The following OR2L13 variants were observed in gnomAD, a reference collection of about 807,000 sequenced individuals.
OR2L13 encodes olfactory receptor family 2 subfamily L member 13.
A neutral mutation model predicts 15.3 loss-of-function variants in OR2L13; 14 were observed. The observed-to-expected ratio is 0.91, with a 90% CI of 0.60 to 1.43. The LOEUF (loss-of-function observed/expected upper bound fraction) is 1.43. OR2L13 is among the 40% of genes most tolerant of loss of function. OR2L13 has a pLI of 0.00. For missense variants in OR2L13, 367 were observed against 387.9 expected, an observed-to-expected ratio of 0.95 and a Z score of 0.45; for synonymous variants, 152 against 142.9, an observed-to-expected ratio of 1.06 and a Z score of -0.45.
At chr1:248,011,903 A>G in the OR2L13 span, among the ~76,000 whole-genome samples, 2 of 152,168 alleles carry the variant, frequency 1.3e-5, no homozygotes, top group Non-Finnish European at 2.9e-5. Context: ...AAAAGACTTG[A>G]CATAAATGGT....
the OR2L13 span, among the ~76,000 whole-genome samples, chr1:248,034,578 A>T: frequency 6.6e-6 from 1 of 152,220 alleles, no homozygotes; most frequent in Non-Finnish European, 1.5e-5. Context: ...TTGACATCTT[A>T]ACAGTGTTAA....
chr1:248,048,173 C>G, the OR2L13 span, among the ~76,000 whole-genome samples: 1 of 152,154 alleles, frequency 6.6e-6, no homozygotes, highest in Admixed American at 6.5e-5. Context: ...TCTGTGAGAG[C>G]TGATGCACCA....
the OR2L13 span, chr1:248,038,292 A>G: frequency 1.9e-6 from 3 of 1,611,208 alleles, no homozygotes; most frequent in Non-Finnish European, 2.5e-6. Context: ...TCAAACATCA[A>G]CTGATTTCAT....
At chr1:247,992,320 C>T in the OR2L13 span, among the ~76,000 whole-genome samples, 1 of 152,140 alleles carries the variant, frequency 6.6e-6, no homozygotes, top group African/African-American at 2.4e-5. Flanking sequence ...TTTTTTAAGG[C>T]TTCCTGTCAA....
At chr1:247,966,620 A>G in the OR2L13 span, among the ~76,000 whole-genome samples, 1 of 152,240 alleles carries the variant, frequency 6.6e-6, no homozygotes, top group Non-Finnish European at 1.5e-5. Flanking sequence ...AGAAAAATGC[A>G]TAATTCATTT....
chr1:248,094,170 C>T (rs1664664978), upstream of OR2L13, among the ~76,000 whole-genome samples: 1 of 151,922 alleles, frequency 6.6e-6, no homozygotes, highest in African/African-American at 2.4e-5. Context: ...TGAAACATCA[C>T]ATGTACCTCA....
At chr1:247,943,535 G>A in the OR2L13 span, among the ~76,000 whole-genome samples, 1 of 152,034 alleles carries the variant, frequency 6.6e-6, no homozygotes, top group African/African-American at 2.4e-5. Context: ...TACACATATG[G>A]TTCCAGATTT....
At chr1:247,966,319 G>T in the OR2L13 span, 2 of 1,612,968 alleles carry the variant, frequency 1.2e-6, no homozygotes, top group Non-Finnish European at 1.7e-6. Flanking sequence ...TAGAAAATAT[G>T]ACTTCAGATC....
At chr1:247,970,434 G>A in the OR2L13 span, among the ~76,000 whole-genome samples, 1 of 152,020 alleles carries the variant, frequency 6.6e-6, no homozygotes, top group Non-Finnish European at 1.5e-5. Flanking sequence ...TTTTGTAATA[G>A]TTTTTCTTGT....
At chr1:248,049,689 T>G in the OR2L13 span, among the ~76,000 whole-genome samples, 1 of 152,220 alleles carries the variant, frequency 6.6e-6, no homozygotes, top group African/African-American at 2.4e-5. Flanking sequence ...TTTACATTTC[T>G]TATACTTTCT....
chr1:248,046,721 C>G, the OR2L13 span: 1 of 152,100 alleles, frequency 6.6e-6, no homozygotes, highest in Non-Finnish European at 1.5e-5. Context: ...TTCATGATTG[C>G]TACCGAATCC....
upstream of OR2L13, among the ~76,000 whole-genome samples, chr1:248,095,607 C>CTTTTTTTTTTTTTTGTTTTTTTTTTTTT: frequency 2.7e-5 from 1 of 37,294 alleles, no homozygotes; most frequent in Non-Finnish European, 5.4e-5. Context: ...AAAGCTGCTG[C>CTTTTTTTTTTTTTTGTTTTTTTTTTTTT]TTTTTTTTTT....
the OR2L13 span, chr1:247,949,272 G>A: frequency 8.1e-6 from 13 of 1,614,136 alleles, no homozygotes; most frequent in South Asian, 4.4e-5. Flanking sequence ...GAGCAAAAGA[G>A]TGTGTGTGCT....
At chr1:248,021,144 A>G in the OR2L13 span, among the ~76,000 whole-genome samples, 1 of 152,112 alleles carries the variant, frequency 6.6e-6, no homozygotes, top group African/African-American at 2.4e-5. Context: ...ATTACATCTG[A>G]GTTTGTGTTG....
the OR2L13 span, among the ~76,000 whole-genome samples, chr1:247,987,290 T>A: frequency 6.6e-6 from 1 of 152,250 alleles, no homozygotes; most frequent in Non-Finnish European, 1.5e-5. Context: ...TATGGCTTTC[T>A]ACATATATAG....
the OR2L13 span, among the ~76,000 whole-genome samples, chr1:247,950,020 G>A: frequency 2.3e-5 from 3 of 128,076 alleles, no homozygotes; most frequent in Admixed American, 2.7e-4. Context: ...ACATATTTTT[G>A]CTAATATGTT....
At chr1:248,088,109 T>C in the OR2L13 span, among the ~76,000 whole-genome samples, 7 of 152,180 alleles carry the variant, frequency 4.6e-5, no homozygotes, top group African/African-American at 1.2e-4. Context: ...TGTTAATGGT[T>C]TTAAATACCA....
chr1:247,971,434 C>G, the OR2L13 span, among the ~76,000 whole-genome samples: 1 of 152,112 alleles, frequency 6.6e-6, no homozygotes, highest in African/African-American at 2.4e-5. Context: ...AGAACTCAGC[C>G]AATTTGTTAT....
the OR2L13 span, among the ~76,000 whole-genome samples, chr1:247,943,583 A>T: frequency 5.3e-5 from 8 of 152,186 alleles, no homozygotes; most frequent in East Asian, 1.9e-4. Context: ...TGATGAATTT[A>T]TCGAAACATA....
Sources: gnomAD v4.1 joint callset for allele counts (sites outside exome capture counted in the v4.1 genomes callset) on GRCh38, gnomAD v4.1.1 for gene constraint, MANE v1.5 for transcripts, NCBI Gene and HGNC (gene_info 2026-07-23, HGNC 2026-07-21) for gene names.